The following SP4 variants were observed in gnomAD, a reference collection of about 807,000 sequenced individuals.
SP4 encodes the protein transcription factor Sp4.
A neutral mutation model predicts 72.8 loss-of-function variants in SP4; 19 were observed. The ratio of observed to expected loss-of-function variants is 0.26; its 90% CI spans 0.18 to 0.38. The LOEUF is 0.38. SP4 is among the 10% of genes least tolerant of loss of function. The probability of loss-of-function intolerance (pLI) is 1.00; values close to 1 mark genes in which losing one functional copy is unlikely to be tolerated. For missense variants in SP4, 1,008 were observed against 926.3 expected (o/e 1.09, Z -1.14); for synonymous variants, 395 against 333.1 (o/e 1.19, Z -2.02).
chr7:21,463,642 A>G (rs1393759942), intron 3 of SP4, among the ~76,000 whole-genome samples: 1 of 152,212 alleles, frequency 6.6e-6, no homozygotes, highest in Non-Finnish European at 1.5e-5. Context: ...GAAGTTAAAT[A>G]TCGTGGTTGG....
intron 3 of SP4, among the ~76,000 whole-genome samples, chr7:21,450,526 G>A (rs79374446): frequency 0.01 from 1,554 of 152,192 alleles, 22 homozygotes; most frequent in African/African-American, 0.036. Flanking sequence ...TGAAGCCTGA[G>A]AAGTGGCTTA....
intron 5 of SP4, among the ~76,000 whole-genome samples, chr7:21,486,123 A>T (rs1326934060): frequency 1.3e-5 from 2 of 150,974 alleles, no homozygotes; most frequent in East Asian, 3.9e-4. Flanking sequence ...AAACATTGTC[A>T]CAGCTCTATT....
intron 3 of SP4, among the ~76,000 whole-genome samples, chr7:21,460,423 G>C (rs915570734): frequency 6.6e-6 from 1 of 152,148 alleles, no homozygotes; most frequent in African/African-American, 2.4e-5. Context: ...CTGGCTTCAG[G>C]AGTGAAGCTG....
chr7:21,471,143 T>C (rs1160945205), intron 3 of SP4: 1 of 534,026 alleles, frequency 1.9e-6, no homozygotes, highest in South Asian at 1.4e-5. Flanking sequence ...GGAGCAGGAG[T>C]GCCAAGAGAT....
In SP4 at chr7:21,428,810, A is replaced by T. The variant is rs751739147; in HGVS notation, c.123+18A>T. ...GCTCCCAGGTAAAAGCAAACAAATT[A>T]AAAAAATTCATCACGACACATTAGG... On this transcript the variant is annotated intron_variant, in intron 2 of 5. Coordinates refer to ENST00000222584, the MANE Select transcript of SP4 (RefSeq NM_003112.5). 334 of 1,535,838 alleles carry T rather than the reference A, an allele frequency of 2.2e-4. No homozygotes were observed. The highest frequency in any genetic ancestry group is 2.4e-4 in the Non-Finnish European group (273 of 1,137,758).
At chr7:21,457,559 T>TG (rs1783805632) in intron 3 of SP4, among the ~76,000 whole-genome samples, 1 of 152,236 alleles carries the variant, frequency 6.6e-6, no homozygotes, top group South Asian at 2.1e-4. Context: ...TAAGAACAAT[T>TG]GCATGTTCCT....
At chr7:21,450,819 A>C (rs1227095693) in intron 3 of SP4, among the ~76,000 whole-genome samples, 1 of 152,184 alleles carries the variant, frequency 6.6e-6, no homozygotes, top group Non-Finnish European at 1.5e-5. Flanking sequence ...GCCTCCTCAG[A>C]AGAAAGAATT....
chr7:21,485,637 A>G (rs1454002666), intron 5 of SP4, among the ~76,000 whole-genome samples: 2 of 152,002 alleles, frequency 1.3e-5, no homozygotes, highest in Non-Finnish European at 2.9e-5. Flanking sequence ...AGACATTAAG[A>G]TTCTTTTGAA....
At chr7:21,489,708 C>T (rs186832671) in intron 5 of SP4, among the ~76,000 whole-genome samples, 2,679 of 151,796 alleles carry the variant, frequency 0.018, 68 homozygotes, top group African/African-American at 0.061. Context: ...TACAGGCGCC[C>T]GCCACCACAC....
At chr7:21,460,704 C>G (rs543009929) in intron 3 of SP4, among the ~76,000 whole-genome samples, 1 of 152,158 alleles carries the variant, frequency 6.6e-6, no homozygotes, top group Non-Finnish European at 1.5e-5. Flanking sequence ...CTGATTGGTG[C>G]GTTTACAATC....
chr7:21,443,529 CAG>C (rs1365032657), intron 3 of SP4, among the ~76,000 whole-genome samples: 2 of 152,172 alleles, frequency 1.3e-5, no homozygotes, highest in African/African-American at 4.8e-5. Flanking sequence ...TGTGGCCAGT[CAG>C]AAGGGGTTTA....
intron 5 of SP4, among the ~76,000 whole-genome samples, chr7:21,508,923 G>A (rs1419725832): frequency 6.6e-6 from 1 of 151,400 alleles, no homozygotes; most frequent in Non-Finnish European, 1.5e-5. Flanking sequence ...ATAATTAATG[G>A]ATGGTGTTGC....
At chr7:21,489,553 C>CTTTTTTTTT (rs1193080485) in intron 5 of SP4, among the ~76,000 whole-genome samples, 15 of 82,516 alleles carry the variant, frequency 1.8e-4, no homozygotes, top group South Asian at 4.1e-4. Context: ...TTTCTTTTTT[C>CTTTTTTTTT]TTTTTTTTTT....
intron 3 of SP4, among the ~76,000 whole-genome samples, chr7:21,454,528 C>G (rs1003936402): frequency 1.3e-5 from 2 of 152,074 alleles, no homozygotes; most frequent in African/African-American, 4.8e-5. Context: ...ACCAAAAATA[C>G]CTCTTTACCT....
intron 3 of SP4, among the ~76,000 whole-genome samples, chr7:21,457,080 C>T (rs1460374919): frequency 6.6e-6 from 1 of 152,194 alleles, no homozygotes; most frequent in Non-Finnish European, 1.5e-5. Flanking sequence ...AGTCACATGT[C>T]ACCAAAGTAT....
At chr7:21,457,713 A>G (rs1783810371) in intron 3 of SP4, among the ~76,000 whole-genome samples, 2 of 152,108 alleles carry the variant, frequency 1.3e-5, no homozygotes, top group South Asian at 2.1e-4. Context: ...TAAATCCCCC[A>G]GTGTGACAAA....
At chr7:21,494,547 G>C (rs754717170) in intron 5 of SP4, among the ~76,000 whole-genome samples, 19 of 152,142 alleles carry the variant, frequency 1.2e-4, no homozygotes, top group Non-Finnish European at 2.2e-4. Flanking sequence ...TGAAAACAGT[G>C]AAACATTTTG....
At chr7:21,478,789 G>T (rs1225300780) in intron 4 of SP4, among the ~76,000 whole-genome samples, 1 of 151,922 alleles carries the variant, frequency 6.6e-6, no homozygotes, top group Non-Finnish European at 1.5e-5. Flanking sequence ...TTGTCTCCTG[G>T]CTGGGCGCAG....
chr7:21,467,801 C>G (rs533959205), intron 3 of SP4, among the ~76,000 whole-genome samples: 27 of 152,130 alleles, frequency 1.8e-4, no homozygotes, highest in Middle Eastern at 3.4e-3. Flanking sequence ...CCACTGCCCC[C>G]CATGGCAAGT....
Sources: allele counts gnomAD v4.1 joint callset (sites outside exome capture counted in the v4.1 genomes callset), GRCh38; gene constraint gnomAD v4.1.1; transcripts MANE v1.5; gene names NCBI Gene and HGNC (gene_info 2026-07-23, HGNC 2026-07-21).